Variants in SIL1 observed in about 807,000 individuals in gnomAD.
SIL1 encodes the protein nucleotide exchange factor SIL1.
Under a neutral mutation model 49.1 loss-of-function variants are expected in SIL1, and 40 were observed. That is an observed-to-expected ratio of 0.81 (90% CI 0.63 to 1.06). The LOEUF (loss-of-function observed/expected upper bound fraction) is 1.06, where lower values mean the gene tolerates loss of function less well. Ranked by LOEUF, SIL1 falls within the 50% of genes least tolerant of loss-of-function variation. The pLI is 0.00. For synonymous variants in SIL1, 253 were observed against 250.8 expected (o/e 1.01, Z -0.08); for missense variants, 500 against 572.6 (o/e 0.87, Z 1.29).
intron 4 of SIL1, among the ~76,000 whole-genome samples, chr5:139,043,098 T>C (rs1312838943): frequency 6.6e-6 from 1 of 152,190 alleles, no homozygotes; most frequent in Non-Finnish European, 1.5e-5. Context: ...CTGAGTGTAC[T>C]ATCATACCTT....
chr5:138,951,170 C>T lies in SIL1; in HGVS notation c.1029+1G>A, dbSNP rs777752978. Reference sequence around the variant, plus strand: ...GAGACTGGGTGGGCCTGGGCACTCACCTTCTCCGTGACCAGGTCGTAGAGC... The same window carrying T: ...GAGACTGGGTGGGCCTGGGCACTCATCTTCTCCGTGACCAGGTCGTAGAGC... On this transcript the variant is annotated splice_donor_variant, in intron 9 of 9. Transcript: ENST00000394817. LOFTEE classifies it high-confidence loss of function. 5.0e-6 allele frequency: 8 copies of T among 1,610,936 alleles called. No homozygotes were observed. The highest frequency in any genetic ancestry group is 1.3e-5 in the African/African-American group (1 of 74,910).
intron 3 of SIL1, among the ~76,000 whole-genome samples, chr5:139,056,336 G>T (rs1392267138): frequency 6.7e-6 from 1 of 149,758 alleles, no homozygotes; most frequent in African/African-American, 2.5e-5. Context: ...CCGTCTGGGA[G>T]GTGAGGAGCA....
chr5:139,024,683 A>G (rs1581038911), intron 6 of SIL1, among the ~76,000 whole-genome samples: 2 of 152,320 alleles, frequency 1.3e-5, no homozygotes, highest in East Asian at 3.9e-4. Context: ...ATAGCCTCCT[A>G]TCTGGTCTCT....
At chr5:138,962,174 T>G (rs893170038) in intron 7 of SIL1, among the ~76,000 whole-genome samples, 9 of 152,158 alleles carry the variant, frequency 5.9e-5, no homozygotes, top group Admixed American at 2.0e-4. Flanking sequence ...AGTTTGCTTC[T>G]GTGCCAGTTT....
intron 1 of SIL1, among the ~76,000 whole-genome samples, chr5:139,128,394 A>C (rs1750796409): frequency 6.6e-6 from 1 of 152,194 alleles, no homozygotes; most frequent in African/African-American, 2.4e-5. Context: ...GTAGCTATTA[A>C]AAGGACAGGC....
intron 5 of SIL1, among the ~76,000 whole-genome samples, chr5:139,027,712 A>G (rs1248341802): frequency 1.3e-5 from 2 of 152,228 alleles, no homozygotes; most frequent in African/African-American, 4.8e-5. Flanking sequence ...TATACATGTG[A>G]CACTGTTTTC....
chr5:139,105,484 T>C (rs1035746185), intron 3 of SIL1, among the ~76,000 whole-genome samples: 2 of 152,128 alleles, frequency 1.3e-5, no homozygotes, highest in Admixed American at 1.3e-4. Context: ...ATTCAGCTGT[T>C]ACCAGAAATT....
At chr5:139,057,131 A>AGCAAGG (rs1349769248) in intron 3 of SIL1, among the ~76,000 whole-genome samples, 1 of 151,228 alleles carries the variant, frequency 6.6e-6, no homozygotes, top group Non-Finnish European at 1.5e-5. Context: ...ATGCTCGTTA[A>AGCAAGG]GAGTCATCAC....
intron 5 of SIL1, among the ~76,000 whole-genome samples, chr5:139,040,838 T>C (rs981667334): frequency 2.0e-5 from 3 of 152,192 alleles, no homozygotes; most frequent in African/African-American, 7.2e-5. Flanking sequence ...CTCTTGGTTA[T>C]ACATTTTGAA....
intron 1 of SIL1, among the ~76,000 whole-genome samples, chr5:139,130,542 C>T (rs1486353342): frequency 6.6e-6 from 1 of 151,714 alleles, no homozygotes; most frequent in African/African-American, 2.4e-5. Flanking sequence ...AGATATAAAA[C>T]AGTGCAGCCA....
At chr5:139,055,455 C>T (rs1769383685) in intron 3 of SIL1, among the ~76,000 whole-genome samples, 1 of 152,138 alleles carries the variant, frequency 6.6e-6, no homozygotes, top group Non-Finnish European at 1.5e-5. Context: ...TGCCTTCTCA[C>T]ACCTTGACTT....
intron 5 of SIL1, among the ~76,000 whole-genome samples, chr5:139,030,191 G>A (rs555741810): frequency 4.8e-4 from 73 of 152,044 alleles, no homozygotes; most frequent in African/African-American, 1.6e-3. Context: ...TTGGCCAGGC[G>A]CAGTGGCTCA....
At chr5:139,020,536 C>T (rs1460137280) in intron 7 of SIL1, among the ~76,000 whole-genome samples, 1 of 152,202 alleles carries the variant, frequency 6.6e-6, no homozygotes, top group Non-Finnish European at 1.5e-5. Flanking sequence ...GGAACAATAG[C>T]TCCAATGGAC....
In SIL1 at chr5:139,121,120, T is replaced by G. The variant is rs1750624596; in HGVS notation, c.159A>C (p.Arg53Ser). ...GCTCCTCCTCGGCTTTGGTTTCTTT[T>G]CTCTCTGTTTCTTTGGTGCTGCTCT... ...PEKSSTKETE[R>S]KETKAEEELD... The change falls in exon 3 of 10, where the codon AGA (arginine) becomes AGC (serine). Residue 53 changes from arginine (R) to serine (S), a missense_variant. Transcript: ENST00000394817. The G allele has an allele frequency of 6.2e-7, 1 of 1,614,076 alleles. No homozygotes were observed.
intron 3 of SIL1, among the ~76,000 whole-genome samples, chr5:139,111,667 T>C (rs963964979): frequency 6.6e-6 from 1 of 152,236 alleles, no homozygotes; most frequent in Non-Finnish European, 1.5e-5. Context: ...TTTTTTGATA[T>C]GGCTATCGCT....
chr5:139,000,051 C>G (rs951330848), intron 7 of SIL1, among the ~76,000 whole-genome samples: 8 of 152,268 alleles, frequency 5.3e-5, no homozygotes, highest in Non-Finnish European at 1.0e-4. Context: ...CCTGATCTTG[C>G]AGGAAAAGTT....
chr5:139,153,265 G>C (rs1751343384), intron 1 of SIL1, among the ~76,000 whole-genome samples: 1 of 152,106 alleles, frequency 6.6e-6, no homozygotes, highest in Admixed American at 6.5e-5. Flanking sequence ...AAAGGCTACA[G>C]CTTAAAAGAC....
chr5:139,067,694 C>A (rs981847330), intron 3 of SIL1, among the ~76,000 whole-genome samples: 1 of 152,194 alleles, frequency 6.6e-6, no homozygotes, highest in African/African-American at 2.4e-5. Flanking sequence ...CCTTGAAGAG[C>A]CTCTGGGCCA....
chr5:139,179,330 T>C (rs950456811), intron 1 of SIL1, among the ~76,000 whole-genome samples: 1 of 152,152 alleles, frequency 6.6e-6, no homozygotes, highest in Non-Finnish European at 1.5e-5. Flanking sequence ...GAAGCAGGCA[T>C]TCTGTGCCCT....
Sources: allele counts gnomAD v4.1 joint callset (sites outside exome capture counted in the v4.1 genomes callset), GRCh38; gene constraint gnomAD v4.1.1; transcripts MANE v1.5; gene names NCBI Gene and HGNC (gene_info 2026-07-23, HGNC 2026-07-21).